The following FAM107B variants were observed in gnomAD, a reference collection of about 807,000 sequenced individuals.
The protein encoded by FAM107B is family with sequence similarity 107 member B.
FAM107B carries 21 observed loss-of-function variants against 31.5 expected under a neutral mutation model. That is an observed-to-expected ratio of 0.67 (90% CI 0.47 to 0.96). The LOEUF (loss-of-function observed/expected upper bound fraction) is 0.96, where lower values mean the gene tolerates loss of function less well. Ranked by LOEUF, FAM107B falls within the 40% of genes least tolerant of loss-of-function variation. The pLI is 0.00. For missense variants in FAM107B, 452 were observed against 377.1 expected (o/e 1.20, Z -1.64); for synonymous variants, 157 against 141.5 (o/e 1.11, Z -0.78).
At chr10:14,571,644 T>A in intron 2 of FAM107B, 1 of 425,858 alleles carries the variant, frequency 2.3e-6, no homozygotes, top group Non-Finnish European at 3.1e-6. Flanking sequence ...AACATATAAT[T>A]TTTATTTAGT....
At chr10:14,547,886 C>T (rs1848847403) in intron 2 of FAM107B, among the ~76,000 whole-genome samples, 1 of 152,210 alleles carries the variant, frequency 6.6e-6, no homozygotes, top group Non-Finnish European at 1.5e-5. Context: ...AGCGTGAGGA[C>T]AGGGACACAT....
chr10:14,644,743 C>A (rs774905731), intron 2 of FAM107B, among the ~76,000 whole-genome samples: 31 of 152,196 alleles, frequency 2.0e-4, no homozygotes, highest in Non-Finnish European at 4.0e-4. Context: ...GAATGCCACA[C>A]AAATGCAAGT....
At position 14,604,574 on chromosome 10, in the gene FAM107B, A is replaced by T. The variant is rs61842710; in HGVS notation, c.469+63060T>A. On this transcript the variant is annotated intron_variant, in intron 2 of 4. Coordinates refer to ENST00000181796, the MANE Select transcript of FAM107B (RefSeq NM_031453.4). The stretch of plus-strand genomic sequence containing the variant: ...GCCGGGCATCCGCGCCGGGAGGGGC[A>T]CCAGCCGGGGCTGCAGCGCTCGGCC... Among the ~76,000 whole-genome samples the T allele has an allele frequency of 4.3e-3, 645 of 151,152 alleles. 5 individuals carry two copies. The highest frequency in any genetic ancestry group is 0.015 in the African/African-American group (618 of 41,286).
chr10:14,573,600 A>G (rs1163758644), intron 2 of FAM107B, among the ~76,000 whole-genome samples: 2 of 146,556 alleles, frequency 1.4e-5, no homozygotes, highest in African/African-American at 5.0e-5. Flanking sequence ...AAAAATTAGC[A>G]GGACATGGTG....
At chr10:14,693,475 C>G (rs367971166) in intron 1 of FAM107B, among the ~76,000 whole-genome samples, 2 of 123,218 alleles carry the variant, frequency 1.6e-5, no homozygotes, top group African/African-American at 6.2e-5. Context: ...GACACCGTCT[C>G]AAAAAAAAAA....
intron 2 of FAM107B, among the ~76,000 whole-genome samples, chr10:14,640,629 C>T (rs953160679): frequency 5.3e-5 from 8 of 152,166 alleles, no homozygotes; most frequent in Non-Finnish European, 1.0e-4. Flanking sequence ...TTTCTGTCTA[C>T]TGGATTCCCT....
At chr10:14,626,197 G>A (rs1010642270) in intron 2 of FAM107B, among the ~76,000 whole-genome samples, 1 of 152,116 alleles carries the variant, frequency 6.6e-6, no homozygotes, top group Non-Finnish European at 1.5e-5. Context: ...CCCCTGGGTC[G>A]CCTGGGATTT....
chr10:14,593,587 A>G (rs1049707393), intron 2 of FAM107B, among the ~76,000 whole-genome samples: 3 of 151,984 alleles, frequency 2.0e-5, no homozygotes, highest in Non-Finnish European at 4.4e-5. Flanking sequence ...CCAGCTACTC[A>G]GGAGGCTGAG....
chr10:14,617,866 C>T (rs769143647), intron 2 of FAM107B, among the ~76,000 whole-genome samples: 1 of 151,484 alleles, frequency 6.6e-6, no homozygotes, highest in Non-Finnish European at 1.5e-5. Flanking sequence ...CTGAGACAGG[C>T]GAATTGCTTG....
chr10:14,682,672 A>G (rs530900205), intron 1 of FAM107B, among the ~76,000 whole-genome samples: 3 of 152,190 alleles, frequency 2.0e-5, no homozygotes, highest in South Asian at 2.1e-4. Flanking sequence ...GTTCTCACTT[A>G]TAAGTGGGAG....
intron 1 of FAM107B, among the ~76,000 whole-genome samples, chr10:14,718,412 GGAAA>G (rs1010547264): frequency 2.0e-4 from 29 of 143,376 alleles, no homozygotes; most frequent in South Asian, 4.5e-4. Flanking sequence ...GAAAGAAAGA[GGAAA>G]GAAAGAAAGA....
At chr10:14,547,260 C>T (rs1365802715) in intron 2 of FAM107B, among the ~76,000 whole-genome samples, 1 of 152,166 alleles carries the variant, frequency 6.6e-6, no homozygotes, top group African/African-American at 2.4e-5. Context: ...TCACTAGTAA[C>T]GTATGGCAGA....
At chr10:14,553,879 C>A (rs1215120430) in intron 2 of FAM107B, among the ~76,000 whole-genome samples, 1 of 152,128 alleles carries the variant, frequency 6.6e-6, no homozygotes, top group Non-Finnish European at 1.5e-5. Flanking sequence ...AAGAAACTTG[C>A]CCAAATTCAT....
At chr10:14,652,497 A>G (rs1853927357) in intron 2 of FAM107B, among the ~76,000 whole-genome samples, 1 of 152,214 alleles carries the variant, frequency 6.6e-6, no homozygotes, top group South Asian at 2.1e-4. Flanking sequence ...CTTGCCATGC[A>G]ACCTTGGTTA....
intron 1 of FAM107B, among the ~76,000 whole-genome samples, chr10:14,716,222 G>C (rs1855775658): frequency 6.6e-6 from 1 of 152,186 alleles, no homozygotes; most frequent in Non-Finnish European, 1.5e-5. Flanking sequence ...ACCTTCATTA[G>C]GTCACTCAGC....
Position 14,703,034 on chromosome 10 carries a change from C to T in FAM107B, c.412-35343G>A, listed in dbSNP as rs545718794. Among the ~76,000 whole-genome samples the T allele has an allele frequency of 7.6e-5, 11 of 145,346 alleles. No homozygotes were observed. The South Asian group carries it at 2.4e-3, about 32-fold the overall frequency. ...ATTTACAAGTTAATCTCTATTCCCCCACCCATTCATTCTCCCAGGTAATCA... is the reference window on the plus strand; with the variant it reads ...ATTTACAAGTTAATCTCTATTCCCCTACCCATTCATTCTCCCAGGTAATCA... On this transcript the variant is annotated intron_variant, in intron 1 of 4. Coordinates refer to ENST00000181796, the MANE Select transcript of FAM107B (RefSeq NM_031453.4).
rs186949811 is a variant in FAM107B at position 14,695,659 on chromosome 10, T to C, written c.412-27968A>G. 9.6e-4 allele frequency among the ~76,000 whole-genome samples: 146 copies of C among 152,362 alleles called. 1 individual carries two copies. Among genetic ancestry groups the C allele is most frequent in the Middle Eastern group, 3.4e-3 (1 of 294 alleles). ...TCTATGTATTTTTATCTTCAATTTA[T>C]TTCACTAATGTTTTATAGTTTTCAG... On this transcript the variant is annotated intron_variant, in intron 1 of 4. Coordinates refer to ENST00000181796, the MANE Select transcript of FAM107B (RefSeq NM_031453.4).
chr10:14,672,245 T>G (rs550569789), intron 1 of FAM107B, among the ~76,000 whole-genome samples: 6 of 152,098 alleles, frequency 3.9e-5, no homozygotes, highest in African/African-American at 1.4e-4. Flanking sequence ...CCTGCCACCA[T>G]GCCCAGCTAA....
rs58879328 is a variant in FAM107B, at chr10:14,628,112, G to GTTTTTTTTTGTTTTTTTTTTTTTTTT, written c.469+39521_469+39522insAAAAAAAAAAAAAAAACAAAAAAAAA. On this transcript the variant is annotated intron_variant, in intron 2 of 4. Coordinates refer to ENST00000181796, the MANE Select transcript of FAM107B (RefSeq NM_031453.4). ...TCCTTGTTTGTTTTTTGTTTTGCTG[G>GTTTTTTTTTGTTTTTTTTTTTTTTTT]TTTTTTTTTTTTTTTTTTTTTGAGA... is the stretch of plus-strand genomic sequence containing the variant. Among the ~76,000 whole-genome samples, 56 of 92,682 alleles carry GTTTTTTTTTGTTTTTTTTTTTTTTTT rather than the reference G, an allele frequency of 6.0e-4. 8 individuals carry two copies. The highest frequency in any genetic ancestry group is 4.4e-3 in the East Asian group (10 of 2,292). The allele number at this position is 92,682 out of a possible 152,430, so 60.8% of individuals were successfully genotyped here.
Sources: allele counts gnomAD v4.1 joint callset (sites outside exome capture counted in the v4.1 genomes callset), GRCh38; gene constraint gnomAD v4.1.1; transcripts MANE v1.5; gene names NCBI Gene and HGNC (gene_info 2026-07-23, HGNC 2026-07-21).